Variants in WDPCP observed in about 807,000 individuals in gnomAD.
WDPCP encodes the protein WD repeat-containing and planar cell polarity effector protein fritz homolog.
A neutral mutation model predicts 93.1 loss-of-function variants in WDPCP; 71 were observed. That is an observed-to-expected ratio of 0.76 (90% CI 0.63 to 0.93). The LOEUF (loss-of-function observed/expected upper bound fraction) is 0.93. Among genes scored for constraint, WDPCP ranks in the 40% least tolerant of loss-of-function variants. The pLI is 0.00. For synonymous variants in WDPCP, 315 were observed against 315.0 expected, an observed-to-expected ratio of 1.00 and a Z score of 0.00; for missense variants, 844 against 887.4, an observed-to-expected ratio of 0.95 and a Z score of 0.62.
chr2:63,599,208 G>T, intron 3 of WDPCP: 1 of 1,613,782 alleles, frequency 6.2e-7, no homozygotes, highest in South Asian at 1.1e-5. Context: ...CCAACTGCCT[G>T]ACTGCTTCCA....
intron 2 of WDPCP, among the ~76,000 whole-genome samples, chr2:63,759,000 C>CA (rs1162978421): frequency 6.6e-6 from 1 of 151,782 alleles, no homozygotes; most frequent in Non-Finnish European, 1.5e-5. Context: ...AGGCTGGCCT[C>CA]AAACTCCTGA....
chr2:63,357,108 T>C (rs1199986361), intron 12 of WDPCP, among the ~76,000 whole-genome samples: 3 of 152,112 alleles, frequency 2.0e-5, no homozygotes, highest in African/African-American at 7.2e-5. Context: ...CTTTACATCA[T>C]ACAAAAATCA....
At chr2:63,341,604 G>A (rs534958380) in intron 12 of WDPCP, among the ~76,000 whole-genome samples, 2 of 152,284 alleles carry the variant, frequency 1.3e-5, no homozygotes, top group South Asian at 2.1e-4. Context: ...CTCTCTAGAG[G>A]TGGGACATCT....
At chr2:63,202,525 C>G (rs1405067072) in intron 14 of WDPCP, among the ~76,000 whole-genome samples, 1 of 151,994 alleles carries the variant, frequency 6.6e-6, no homozygotes, top group Non-Finnish European at 1.5e-5. Flanking sequence ...TAATTTTTTT[C>G]CACGTGATTT....
intron 9 of WDPCP, among the ~76,000 whole-genome samples, chr2:63,418,117 G>A (rs1695568817): frequency 6.6e-6 from 1 of 152,088 alleles, no homozygotes; most frequent in Non-Finnish European, 1.5e-5. Context: ...AAATAAGAAG[G>A]TGAAAACATC....
At chr2:63,213,064 T>C (rs917810883) in intron 14 of WDPCP, among the ~76,000 whole-genome samples, 4 of 152,098 alleles carry the variant, frequency 2.6e-5, no homozygotes, top group Non-Finnish European at 5.9e-5. Flanking sequence ...GACAGATCCA[T>C]GAGACAGAAA....
At chr2:63,434,526 C>T (rs1697001669) in intron 8 of WDPCP, among the ~76,000 whole-genome samples, 1 of 152,108 alleles carries the variant, frequency 6.6e-6, no homozygotes, top group Non-Finnish European at 1.5e-5. Context: ...ATTATTCAAA[C>T]TATGTTATTT....
At chr2:63,461,430 T>C (rs991438747) in intron 6 of WDPCP, among the ~76,000 whole-genome samples, 1 of 152,168 alleles carries the variant, frequency 6.6e-6, no homozygotes, top group Non-Finnish European at 1.5e-5. Context: ...TCCACCATGA[T>C]TGAAAGCTCC....
At chr2:63,660,123 A>G (rs888940259) in intron 2 of WDPCP, among the ~76,000 whole-genome samples, 20 of 152,146 alleles carry the variant, frequency 1.3e-4, no homozygotes, top group African/African-American at 4.6e-4. Flanking sequence ...CAATATAATG[A>G]TAAGCTGTAA....
upstream of WDPCP, chr2:63,588,922 G>A: frequency 7.3e-7 from 1 of 1,370,808 alleles, no homozygotes; most frequent in Non-Finnish European, 1.0e-6. Flanking sequence ...GCGCCGCGTC[G>A]GGAGCGGAGC....
At position 63,575,388 on chromosome 2, in the gene WDPCP, C is replaced by CAGTATATATACAGTATATACAA. The variant is rs1558831564; in HGVS notation, c.75+12808_75+12809insTTGTATATACTGTATATATACT. ...ATATACAGTATATACAGTATATACA[C>CAGTATATATACAGTATATACAA]GGTATATACAGTATATATACAGTAT... On this transcript the variant is annotated intron_variant, in intron 1 of 17. Coordinates refer to ENST00000272321, the MANE Select transcript of WDPCP (RefSeq NM_015910.7). Among the ~76,000 whole-genome samples, 2 of 110,360 alleles carry CAGTATATATACAGTATATACAA rather than the reference C, an allele frequency of 1.8e-5. 1 individual carries two copies. Among genetic ancestry groups the CAGTATATATACAGTATATACAA allele is most frequent in the African/African-American group, 7.1e-5 (2 of 28,088 alleles). 72.4% of individuals were successfully genotyped at this position (110,360 alleles called of 152,430 possible). A position where few individuals can be genotyped will look rare whatever the true frequency, so the allele number is the denominator to read the frequency against.
At chr2:63,182,532 T>C (rs1468086723) in intron 14 of WDPCP, among the ~76,000 whole-genome samples, 1 of 152,012 alleles carries the variant, frequency 6.6e-6, no homozygotes, top group Non-Finnish European at 1.5e-5. Context: ...TGTGCTGTTG[T>C]ATTGGGTTTG....
intron 10 of WDPCP, among the ~76,000 whole-genome samples, chr2:63,389,391 TA>T (rs1193612560): frequency 6.6e-6 from 1 of 152,128 alleles, no homozygotes; most frequent in Non-Finnish European, 1.5e-5. Flanking sequence ...CAAGAGCTCC[TA>T]AAGGAAGCAC....
At chr2:63,664,643 G>T (rs1481168114) in intron 2 of WDPCP, among the ~76,000 whole-genome samples, 1 of 152,230 alleles carries the variant, frequency 6.6e-6, no homozygotes, top group East Asian at 1.9e-4. Context: ...TAGGGAAGGG[G>T]GTGAAATGGG....
chr2:63,763,125 T>A (rs1477647259), intron 2 of WDPCP, among the ~76,000 whole-genome samples: 1 of 152,176 alleles, frequency 6.6e-6, no homozygotes, highest in Non-Finnish European at 1.5e-5. Context: ...AAGACCATAC[T>A]TATTTGAGTT....
At chr2:63,221,830 T>G (rs1458508530) in intron 14 of WDPCP, among the ~76,000 whole-genome samples, 3 of 152,172 alleles carry the variant, frequency 2.0e-5, no homozygotes, top group African/African-American at 7.2e-5. Context: ...AGAGAATTTA[T>G]GACCAGAACT....
chr2:63,590,078 A>C (rs1432407742), upstream of WDPCP: 2 of 152,380 alleles, frequency 1.3e-5, no homozygotes, highest in Non-Finnish European at 2.9e-5. Context: ...ACAGCTACTA[A>C]TTTCCAGTAG....
chr2:63,806,298 G>A (rs190764495), intron 2 of WDPCP, among the ~76,000 whole-genome samples: 318 of 152,220 alleles, frequency 2.1e-3, no homozygotes, highest in African/African-American at 7.3e-3. Context: ...GGTAGGTTCC[G>A]TGATGCCCCA....
chr2:63,268,614 T>C lies in WDPCP; in HGVS notation c.1813-9205A>G, dbSNP rs72813459. ...CCCAAGTAGTGGGACTACAGGCACATGCCACCCCACTTGGCTAGTTTTGTT... is the reference window on the plus strand; with the variant it reads ...CCCAAGTAGTGGGACTACAGGCACACGCCACCCCACTTGGCTAGTTTTGTT... On this transcript the variant is annotated intron_variant, in intron 13 of 17. Coordinates refer to ENST00000272321, the MANE Select transcript of WDPCP (RefSeq NM_015910.7). 8.0e-3 allele frequency among the ~76,000 whole-genome samples: 1,219 copies of C among 152,136 alleles called. 13 individuals are homozygous for C. The highest frequency in any genetic ancestry group is 0.013 in the Non-Finnish European group (892 of 67,988).
Sources: allele counts gnomAD v4.1 joint callset (sites outside exome capture counted in the v4.1 genomes callset), GRCh38; gene constraint gnomAD v4.1.1; transcripts MANE v1.5; gene names NCBI Gene and HGNC (gene_info 2026-07-23, HGNC 2026-07-21).